RALGAPA2: variants seen among roughly 807,000 people sequenced by gnomAD.
RALGAPA2 encodes Ral GTPase activating protein catalytic subunit alpha 2.
RALGAPA2 carries 139 observed loss-of-function variants against 230.4 expected under a neutral mutation model. The ratio of observed to expected loss-of-function variants is 0.60; its 90% CI spans 0.53 to 0.69. The LOEUF (loss-of-function observed/expected upper bound fraction) is 0.69, where lower values mean the gene tolerates loss of function less well. RALGAPA2 is among the 30% of genes least tolerant of loss of function. The pLI is 0.00. For synonymous variants in RALGAPA2, 847 were observed against 837.8 expected, an observed-to-expected ratio of 1.01 and a Z score of -0.19; for missense variants, 2,163 against 2,276.0, an observed-to-expected ratio of 0.95 and a Z score of 1.01.
intron 37 of RALGAPA2, among the ~76,000 whole-genome samples, chr20:20,425,447 C>G (rs181332005): frequency 6.6e-6 from 1 of 152,116 alleles, no homozygotes; most frequent in African/African-American, 2.4e-5. Flanking sequence ...ATATCACTAC[C>G]TCTGGAAGCA....
At chr20:20,441,799 TA>T (rs1256667089) in intron 37 of RALGAPA2, among the ~76,000 whole-genome samples, 6 of 152,242 alleles carry the variant, frequency 3.9e-5, no homozygotes, top group Non-Finnish European at 1.5e-5. Context: ...GAGATCATTT[TA>T]AAACAGGATT....
chr20:20,491,647 C>T (rs1487524500), intron 36 of RALGAPA2, among the ~76,000 whole-genome samples: 1 of 152,214 alleles, frequency 6.6e-6, no homozygotes, highest in African/African-American at 2.4e-5. Flanking sequence ...GAATCACTCA[C>T]ATTCTGCTCT....
intron 37 of RALGAPA2, among the ~76,000 whole-genome samples, chr20:20,439,692 T>G (rs1192955254): frequency 6.6e-6 from 1 of 152,206 alleles, no homozygotes; most frequent in Non-Finnish European, 1.5e-5. Context: ...AATCCACAGC[T>G]ACATGCACAG....
chr20:20,452,905 T>C (rs967479818), intron 37 of RALGAPA2, among the ~76,000 whole-genome samples: 1 of 152,134 alleles, frequency 6.6e-6, no homozygotes, highest in African/African-American at 2.4e-5. Flanking sequence ...GACCAGGCAC[T>C]GGGGTGGTGG....
At chr20:20,643,613 A>G in intron 4 of RALGAPA2, 64 bp from the exon 5 acceptor site, 1 of 1,312,208 alleles carries the variant, frequency 7.6e-7, no homozygotes, top group Non-Finnish European at 1.0e-6. Flanking sequence ...ATCTATTTTA[A>G]GAAAATATGT....
At chr20:20,568,723 C>T (rs564886534) in intron 23 of RALGAPA2, among the ~76,000 whole-genome samples, 1 of 152,214 alleles carries the variant, frequency 6.6e-6, no homozygotes, top group South Asian at 2.1e-4. Context: ...ATGAAACAAC[C>T]AAGCCATACA....
chr20:20,570,646 A>T (rs921226971), intron 23 of RALGAPA2, among the ~76,000 whole-genome samples: 14 of 152,242 alleles, frequency 9.2e-5, no homozygotes, highest in Admixed American at 2.6e-4. Flanking sequence ...TCATTTTTTT[A>T]AAATCTGTAT....
At chr20:20,530,516 C>G (rs989682711) in intron 27 of RALGAPA2, among the ~76,000 whole-genome samples, 5 of 152,074 alleles carry the variant, frequency 3.3e-5, no homozygotes, top group African/African-American at 4.8e-5. Flanking sequence ...CAAGCAGGGG[C>G]CAGACGCCAA....
At position 20,635,746 on chromosome 20, in the gene RALGAPA2, C is replaced by T. The variant is rs1206295485; in HGVS notation, c.806-129G>A. The T allele has an allele frequency of 6.0e-5, 45 of 747,638 alleles. 1 individual carries two copies. Among genetic ancestry groups the T allele is most frequent in the African/African-American group, 5.6e-5 (3 of 54,024 alleles). 46.3% of individuals were successfully genotyped at this position (747,638 alleles called of 1,614,324 possible). A position where few individuals can be genotyped will look rare whatever the true frequency, so the allele number is the denominator to read the frequency against. On this transcript the variant is annotated intron_variant, in intron 8 of 39. Coordinates refer to ENST00000202677, the MANE Select transcript of RALGAPA2 (RefSeq NM_020343.4). ...TAAATAGCAACTAAGAATGAAGAACCGCAATTATTTAAAATGGCATTTTTT... is the reference window on the plus strand; with the variant it reads ...TAAATAGCAACTAAGAATGAAGAACTGCAATTATTTAAAATGGCATTTTTT...
chr20:20,560,365 A>G (rs540457517), intron 23 of RALGAPA2, among the ~76,000 whole-genome samples: 4 of 152,336 alleles, frequency 2.6e-5, no homozygotes, highest in Non-Finnish European at 5.9e-5. Context: ...TATTTTTTCC[A>G]TGGGAGAACA....
chr20:20,519,304 C>G (rs1341577118), intron 31 of RALGAPA2, among the ~76,000 whole-genome samples: 1 of 152,164 alleles, frequency 6.6e-6, no homozygotes, highest in Non-Finnish European at 1.5e-5. Flanking sequence ...ACTGTCACCC[C>G]CAGTCCTGTC....
intron 27 of RALGAPA2, among the ~76,000 whole-genome samples, chr20:20,527,540 T>C (rs2063243503): frequency 6.6e-6 from 1 of 151,986 alleles, no homozygotes; most frequent in Admixed American, 6.6e-5. Context: ...TGCATTGTTA[T>C]ACCTTTCAAA....
intron 38 of RALGAPA2, among the ~76,000 whole-genome samples, chr20:20,408,691 T>C (rs1383394973): frequency 6.6e-6 from 1 of 152,174 alleles, no homozygotes; most frequent in Admixed American, 6.5e-5. Context: ...TTCTTGGTGA[T>C]ATGATTGAAA....
chr20:20,707,672 G>A (rs1242613603), intron 1 of RALGAPA2, among the ~76,000 whole-genome samples: 2 of 152,146 alleles, frequency 1.3e-5, no homozygotes, highest in Admixed American at 1.3e-4. Context: ...ATTTGTGAGA[G>A]ACGGTTCTCT....
At chr20:20,499,430 G>A (rs2062309066) in intron 35 of RALGAPA2, among the ~76,000 whole-genome samples, 1 of 152,004 alleles carries the variant, frequency 6.6e-6, no homozygotes, top group Non-Finnish European at 1.5e-5. Context: ...GAAAATTATA[G>A]AATATGGTGA....
Position 20,643,242 on chromosome 20 carries a change from C to T in RALGAPA2, c.372+264G>A, listed in dbSNP as rs529664967. Among the ~76,000 whole-genome samples the T allele has an allele frequency of 3.3e-5, 5 of 152,328 alleles. No individual in the cohort carries two copies. In the East Asian group the frequency reaches 7.7e-4, roughly 23 times the overall value. On this transcript the variant is annotated intron_variant, in intron 5 of 39. Coordinates refer to ENST00000202677, the MANE Select transcript of RALGAPA2 (RefSeq NM_020343.4). ...CAGTGCCTTGCCCATGGTCCCTACC[C>T]ATACCCAGCAGAATCAGAATTAGAA...
intron 23 of RALGAPA2, among the ~76,000 whole-genome samples, chr20:20,549,232 T>A (rs941184616): frequency 6.6e-6 from 1 of 152,206 alleles, no homozygotes; most frequent in African/African-American, 2.4e-5. Context: ...CATTGTAAGA[T>A]TTGTATGTGT....
chr20:20,542,222 A>C (rs1424085357), intron 24 of RALGAPA2, among the ~76,000 whole-genome samples: 1 of 152,228 alleles, frequency 6.6e-6, no homozygotes, highest in Non-Finnish European at 1.5e-5. Flanking sequence ...GGACCTCTTC[A>C]AGGGTAACTA....
At chr20:20,574,921 C>T (rs1257458673) in intron 20 of RALGAPA2, among the ~76,000 whole-genome samples, 1 of 152,186 alleles carries the variant, frequency 6.6e-6, no homozygotes, top group Non-Finnish European at 1.5e-5. Context: ...TATCCCTCTT[C>T]TCCACTGGCA....
Sources: allele counts gnomAD v4.1 joint callset (sites outside exome capture counted in the v4.1 genomes callset), GRCh38; gene constraint gnomAD v4.1.1; transcripts MANE v1.5; gene names NCBI Gene and HGNC (gene_info 2026-07-23, HGNC 2026-07-21).